The following REL variants were observed in gnomAD, a reference collection of about 807,000 sequenced individuals.
REL encodes REL proto-oncogene, NF-kB subunit, also known as proto-oncogene c-Rel.
A neutral mutation model predicts 45.9 loss-of-function variants in REL; 15 were observed. That is an observed-to-expected ratio of 0.33 (90% confidence interval 0.22 to 0.50). The LOEUF (loss-of-function observed/expected upper bound fraction) is 0.50, where lower values mean the gene tolerates loss of function less well. Among genes scored for constraint, REL ranks in the 20% least tolerant of loss-of-function variants. REL has a pLI of 0.98. For synonymous variants in REL, 239 were observed against 242.1 expected (o/e 0.99, Z 0.12); for missense variants, 601 against 715.2 (o/e 0.84, Z 1.82).
At chr2:60,914,731 A>G (rs1368593356) in intron 4 of REL, among the ~76,000 whole-genome samples, 1 of 151,978 alleles carries the variant, frequency 6.6e-6, no homozygotes, top group Non-Finnish European at 1.5e-5. Context: ...CTAAAACTGC[A>G]TGTAAATGGA....
chr2:60,917,680 CTGTGTGTGTGTGTG>C (rs34038794), intron 5 of REL, among the ~76,000 whole-genome samples: 40 of 142,318 alleles, frequency 2.8e-4, no homozygotes, highest in Admixed American at 2.5e-3. Context: ...CCCCAAAATA[CTGTGTGTGTGTGTG>C]TGTGTGTGTG....
At chr2:60,882,256 A>C (rs576935745) in intron 1 of REL, among the ~76,000 whole-genome samples, 1 of 152,340 alleles carries the variant, frequency 6.6e-6, no homozygotes. Flanking sequence ...TAATTTCATC[A>C]AATGCAAAGA....
At position 60,889,613 on chromosome 2, in the gene REL, C is replaced by G. The variant is rs370566295; in HGVS notation, c.11-2070C>G. 1.1e-4 allele frequency among the ~76,000 whole-genome samples: 17 copies of G among 152,210 alleles called. No individual in the cohort carries two copies. The East Asian group carries it at 1.5e-3, about 14-fold the overall frequency. ...ATATCTCCTAATGCTTTCCCTCCCC[C>G]CTTCCCCCACCCCACAACAGGCCCT... On this transcript the variant is annotated intron_variant, in intron 1 of 9. Transcript: ENST00000394479.
At chr2:60,921,577 C>T (rs1446245581) in intron 9 of REL, among the ~76,000 whole-genome samples, 186 bp from the exon 10 acceptor site, 1 of 152,136 alleles carries the variant, frequency 6.6e-6, no homozygotes, top group Non-Finnish European at 1.5e-5. Context: ...ATATACGTTA[C>T]AGAATTTCAT....
Position 60,927,734 on chromosome 2 carries a change from T to C in REL, c.*5199T>C, listed in dbSNP as rs140103657. 57 of 229,146 alleles carry C rather than the reference T, an allele frequency of 2.5e-4. No homozygotes were observed. The highest frequency in any genetic ancestry group is 1.1e-3 in the African/African-American group (50 of 45,224). 14.2% of individuals were successfully genotyped at this position (229,146 alleles called of 1,614,324 possible). A position where few individuals can be genotyped will look rare whatever the true frequency, so the allele number is the denominator to read the frequency against. On this transcript the variant is annotated 3_prime_UTR_variant, in exon 10 of 10. Coordinates refer to ENST00000394479, the MANE Select transcript of REL (RefSeq NM_001291746.2). ...TCTTTTTCTTTGCAAGGATAACACA[T>C]GTAGAGTAAAATGCATAAAGGGGAC...
At chr2:60,913,973 T>C (rs1378962681) in intron 4 of REL, among the ~76,000 whole-genome samples, 1 of 152,242 alleles carries the variant, frequency 6.6e-6, no homozygotes, top group Non-Finnish European at 1.5e-5. Flanking sequence ...CAGTCATTTA[T>C]GTTAATTGAG....
Position 60,925,938 on chromosome 2 carries a change from CCT to C in REL, c.*3406_*3407del. On this transcript the variant is annotated 3_prime_UTR_variant, in exon 10 of 10. Transcript: ENST00000394479. ...TGTAAGCAGAATTAAGGTTCTGCTA[CCT>C]CTGTGTGTAGAATATTCCCAATGGA... is the stretch of plus-strand genomic sequence containing the variant. 1 of 226,560 alleles carries C rather than the reference CCT, an allele frequency of 4.4e-6. No individual in the cohort carries two copies. The highest frequency in any genetic ancestry group is 8.8e-6 in the Non-Finnish European group (1 of 113,588). The allele number at this position is 226,560 out of a possible 1,614,324, so 14.0% of individuals were successfully genotyped here.
intron 1 of REL, among the ~76,000 whole-genome samples, chr2:60,886,773 C>G (rs1483352076): frequency 6.6e-6 from 1 of 151,990 alleles, no homozygotes; most frequent in Non-Finnish European, 1.5e-5. Context: ...AAAGCTCATG[C>G]TTTATTAGAT....
chr2:60,896,333 T>G (rs896000287), intron 3 of REL, among the ~76,000 whole-genome samples: 5 of 152,200 alleles, frequency 3.3e-5, no homozygotes, highest in Non-Finnish European at 5.9e-5. Context: ...TAAAACAATA[T>G]GTAAAGAATA....
rs199772834 is a variant in REL at position 60,922,074 on chromosome 2, G to A, written c.1303G>A (p.Asp435Asn). 1.6e-4 allele frequency: 253 copies of A among 1,614,002 alleles called. No individual in the cohort carries two copies. The highest frequency in any genetic ancestry group is 1.9e-4 in the Non-Finnish European group (223 of 1,179,994). ...ASNACIYNNA[D>N]DIVGMEASSM... ...TAATGCTTGCATTTACAACAATGCC[G>A]ATGACATAGTCGGAATGGAAGCGTC... The change falls in exon 10 of 10, where the codon GAT becomes AAT. Residue 435 changes from aspartate to asparagine, a missense_variant. Physicochemically the swap from Asp to Asn is conservative, Grantham distance 23. Around this residue, in one of 4 missense-constraint regions of REL, gnomAD observed 334 missense variants for 333.1 expected, o/e 1.00. Transcript: ENST00000394479.
chr2:60,904,136 C>G (rs924754527), intron 4 of REL, among the ~76,000 whole-genome samples: 57 of 152,180 alleles, frequency 3.7e-4, no homozygotes, highest in East Asian at 3.9e-4. Flanking sequence ...GAAAAGTGAA[C>G]TCAGGCTTGT....
intron 1 of REL, among the ~76,000 whole-genome samples, chr2:60,889,337 T>G (rs1393202891): frequency 6.6e-6 from 1 of 152,220 alleles, no homozygotes; most frequent in Non-Finnish European, 1.5e-5. Flanking sequence ...TTCTGTAGTC[T>G]AATAATATAT....
At chr2:60,914,755 CT>C (rs1173709694) in intron 4 of REL, among the ~76,000 whole-genome samples, 1 of 151,462 alleles carries the variant, frequency 6.6e-6, no homozygotes, top group African/African-American at 2.4e-5. Context: ...ATACAGTATA[CT>C]TTTGTATCTG....
intron 4 of REL, among the ~76,000 whole-genome samples, chr2:60,909,557 G>A (rs780972094): frequency 6.6e-5 from 10 of 151,866 alleles, no homozygotes; most frequent in Non-Finnish European, 1.0e-4. Context: ...TTCCAAAAGT[G>A]CTGAGATTAC....
At chr2:60,895,315 G>A (rs1422247702) in intron 3 of REL, among the ~76,000 whole-genome samples, 1 of 152,014 alleles carries the variant, frequency 6.6e-6, no homozygotes, top group Non-Finnish European at 1.5e-5. Flanking sequence ...CTGAGTAGCT[G>A]GGACTGCAGG....
chr2:60,910,261 C>G (rs1163892886), intron 4 of REL, among the ~76,000 whole-genome samples: 1 of 151,730 alleles, frequency 6.6e-6, no homozygotes, highest in Non-Finnish European at 1.5e-5. Context: ...TTCAGGAGAT[C>G]AAGACCATCC....
At chr2:60,900,407 T>C (rs1368753410) in intron 3 of REL, 1 of 152,400 alleles carries the variant, frequency 6.6e-6, no homozygotes, top group Non-Finnish European at 1.5e-5. Flanking sequence ...TGCTTTACTG[T>C]TAATCTATAT....
intron 4 of REL, among the ~76,000 whole-genome samples, chr2:60,907,757 C>G (rs1673702718): frequency 6.7e-6 from 1 of 148,700 alleles, no homozygotes; most frequent in African/African-American, 2.5e-5. Context: ...GTGGTGTGAT[C>G]TCGGCTCACT....
At chr2:60,906,913 A>ATTTTTTTTT (rs1162627805) in intron 4 of REL, among the ~76,000 whole-genome samples, 1 of 104,304 alleles carries the variant, frequency 9.6e-6, no homozygotes, top group African/African-American at 4.0e-5. Context: ...ATATATATAT[A>ATTTTTTTTT]TTTTTTTTTT....
Sources: gnomAD v4.1 joint callset for allele counts (sites outside exome capture counted in the v4.1 genomes callset) on GRCh38, gnomAD v4.1.1 for gene constraint, gnomAD v4.1.1 regional missense constraint, MANE v1.5 for transcripts, NCBI Gene and HGNC (gene_info 2026-07-23, HGNC 2026-07-21) for gene names.